The following AKAP6 variants were observed in gnomAD, a reference collection of about 807,000 sequenced individuals.
The protein encoded by AKAP6 is A-kinase anchoring protein 6, also known as A-kinase anchor protein 6.
A neutral mutation model predicts 188.5 loss-of-function variants in AKAP6; 58 were observed. The observed-to-expected ratio is 0.31, with a 90% CI of 0.25 to 0.38. The LOEUF is 0.38. AKAP6 is among the 10% of genes least tolerant of loss of function. The pLI is 1.00. For synonymous variants in AKAP6, 989 were observed against 998.6 expected, an observed-to-expected ratio of 0.99 and a Z score of 0.18; for missense variants, 2,710 against 2,740.0, an observed-to-expected ratio of 0.99 and a Z score of 0.24.
At chr14:32,427,496 T>C (rs1035451639) in intron 1 of AKAP6, among the ~76,000 whole-genome samples, 2 of 152,182 alleles carry the variant, frequency 1.3e-5, no homozygotes, top group Non-Finnish European at 2.9e-5. Context: ...ACAAAAGGCC[T>C]GGGAGGTAGG....
intron 7 of AKAP6, among the ~76,000 whole-genome samples, chr14:32,622,220 A>G (rs1259999373): frequency 1.3e-5 from 2 of 152,188 alleles, no homozygotes; most frequent in Non-Finnish European, 2.9e-5. Context: ...TTTTTAAATA[A>G]TTCTGATGAC....
intron 7 of AKAP6, among the ~76,000 whole-genome samples, chr14:32,634,692 G>T (rs1887413552): frequency 6.6e-6 from 1 of 151,916 alleles, no homozygotes; most frequent in Non-Finnish European, 1.5e-5. Context: ...AGTCAGTGCA[G>T]AAATGGCCAT....
Position 32,398,780 on chromosome 14 carries a change from TTCTCTCTCTC to T in AKAP6, c.-34-34665_-34-34656del, listed in dbSNP as rs55959454. ...TGTTTGCCCTTTTCTTTCTTTTCTT[TTCTCTCTCTC>T]TCTCTCTCTCTCTCCCCCTCCCCCT... On this transcript the variant is annotated intron_variant, in intron 1 of 13. Coordinates refer to ENST00000280979, the MANE Select transcript of AKAP6 (RefSeq NM_004274.5). Among the ~76,000 whole-genome samples, 24 of 131,180 alleles carry T rather than the reference TTCTCTCTCTC, an allele frequency of 1.8e-4. No individual in the cohort carries two copies. The South Asian group carries it at 2.1e-3, about 11-fold the overall frequency. The allele number at this position is 131,180 out of a possible 152,430, so 86.1% of individuals were successfully genotyped here.
chr14:32,631,315 C>T (rs1006042619), intron 7 of AKAP6, among the ~76,000 whole-genome samples: 2 of 152,020 alleles, frequency 1.3e-5, no homozygotes, highest in Non-Finnish European at 2.9e-5. Context: ...CAAACAAACT[C>T]ATGATGTTAT....
chr14:32,523,879 T>C (rs890558383), intron 2 of AKAP6, among the ~76,000 whole-genome samples: 4 of 151,738 alleles, frequency 2.6e-5, no homozygotes, highest in African/African-American at 9.7e-5. Context: ...AGGATCCAGA[T>C]GCCAGTTTTT....
intron 12 of AKAP6, among the ~76,000 whole-genome samples, chr14:32,797,768 A>G (rs930811203): frequency 6.6e-6 from 1 of 152,070 alleles, no homozygotes; most frequent in African/African-American, 2.4e-5. Context: ...ACATGTACCC[A>G]TAAACTTAAA....
chr14:32,422,078 C>G (rs978509290), intron 1 of AKAP6, among the ~76,000 whole-genome samples: 1 of 152,198 alleles, frequency 6.6e-6, no homozygotes, highest in Non-Finnish European at 1.5e-5. Context: ...CCCAGCAACA[C>G]AGAGTAAGGA....
intron 12 of AKAP6, among the ~76,000 whole-genome samples, chr14:32,799,570 G>T (rs2033875666): frequency 6.6e-6 from 1 of 151,832 alleles, no homozygotes; most frequent in African/African-American, 2.4e-5. Context: ...TTTAACTCAG[G>T]TGTTATTTAG....
chr14:32,695,927 T>G (rs990339479), intron 8 of AKAP6, 63 bp from the exon 9 acceptor site: 1 of 1,518,930 alleles, frequency 6.6e-7, no homozygotes, highest in Non-Finnish European at 8.8e-7. Flanking sequence ...TATATTATTC[T>G]AATATAAGAT....
At chr14:32,510,394 G>GTGTATATATATATGTGTA (rs200779785) in intron 2 of AKAP6, among the ~76,000 whole-genome samples, 2 of 63,290 alleles carry the variant, frequency 3.2e-5, no homozygotes, top group Non-Finnish European at 6.5e-5. Context: ...ATATATATGT[G>GTGTATATATATATGTGTA]TATATATATG....
intron 11 of AKAP6, among the ~76,000 whole-genome samples, chr14:32,753,003 A>G (rs947017486): frequency 1.3e-5 from 2 of 152,328 alleles, no homozygotes; most frequent in Middle Eastern, 3.4e-3. Context: ...GAATAATGCA[A>G]TGAAAATGGT....
At chr14:32,643,794 G>A (rs1887866962) in intron 7 of AKAP6, among the ~76,000 whole-genome samples, 1 of 152,116 alleles carries the variant, frequency 6.6e-6, no homozygotes, top group South Asian at 2.1e-4. Context: ...TATGAAAATG[G>A]ACATGTGAAC....
intron 2 of AKAP6, among the ~76,000 whole-genome samples, chr14:32,492,522 G>A (rs1880092971): frequency 6.6e-6 from 1 of 151,844 alleles, no homozygotes. Flanking sequence ...CCAGACTGAT[G>A]TTAATACTTG....
At chr14:32,397,151 A>G (rs563444379) in intron 1 of AKAP6, among the ~76,000 whole-genome samples, 1 of 152,274 alleles carries the variant, frequency 6.6e-6, no homozygotes, top group African/African-American at 2.4e-5. Context: ...AAAGTTCCAC[A>G]ATGGTGCTGT....
chr14:32,414,175 G>A (rs921269160), intron 1 of AKAP6, among the ~76,000 whole-genome samples: 1 of 151,974 alleles, frequency 6.6e-6, no homozygotes. Flanking sequence ...TATAAGAAAG[G>A]CCTCTTGCTT....
At chr14:32,775,055 A>G (rs1365483486) in intron 12 of AKAP6, among the ~76,000 whole-genome samples, 1 of 152,192 alleles carries the variant, frequency 6.6e-6, no homozygotes, top group East Asian at 1.9e-4. Context: ...TAATTGTTTT[A>G]AGCTGAAGTT....
At position 32,659,311 on chromosome 14, in the gene AKAP6, A is replaced by G. The variant is rs116159413; in HGVS notation, c.2731-19000A>G. 4.7e-3 allele frequency among the ~76,000 whole-genome samples: 714 copies of G among 152,210 alleles called. 9 individuals carry two copies. Among genetic ancestry groups the G allele is most frequent in the African/African-American group, 0.016 (657 of 41,540 alleles). On this transcript the variant is annotated intron_variant, in intron 7 of 13. Coordinates refer to ENST00000280979, the MANE Select transcript of AKAP6 (RefSeq NM_004274.5). Reference sequence around the variant, plus strand: ...GTTCAAGTAAAAATAGTGTTATGAAACCAAAGAACATGTGTTTGTGCTGTC... The same window carrying G: ...GTTCAAGTAAAAATAGTGTTATGAAGCCAAAGAACATGTGTTTGTGCTGTC...
intron 1 of AKAP6, among the ~76,000 whole-genome samples, chr14:32,424,238 T>C (rs1889954836): frequency 6.6e-6 from 1 of 152,190 alleles, no homozygotes; most frequent in African/African-American, 2.4e-5. Context: ...CCCTGAAAGA[T>C]TTATTCCAAA....
intron 4 of AKAP6, among the ~76,000 whole-genome samples, chr14:32,559,050 A>T (rs1293396591): frequency 1.3e-5 from 2 of 152,244 alleles, no homozygotes; most frequent in Non-Finnish European, 2.9e-5. Flanking sequence ...TAGGGCCAAG[A>T]TATGAGGGAC....
Sources: gnomAD v4.1 joint callset for allele counts (sites outside exome capture counted in the v4.1 genomes callset) on GRCh38, gnomAD v4.1.1 for gene constraint, MANE v1.5 for transcripts, NCBI Gene and HGNC (gene_info 2026-07-23, HGNC 2026-07-21) for gene names.